Variants in FBXO11 observed in about 807,000 individuals in gnomAD.
FBXO11 encodes F-box protein 11.
FBXO11 carries 13 observed loss-of-function variants against 117.0 expected under a neutral mutation model. The ratio of observed to expected loss-of-function variants is 0.11; its 90% CI spans 0.07 to 0.18. The LOEUF is 0.18. Ranked by LOEUF, FBXO11 falls within the 10% of genes least tolerant of loss-of-function variation. The pLI is 1.00. For synonymous variants in FBXO11, 490 were observed against 380.5 expected, an observed-to-expected ratio of 1.29 and a Z score of -3.35; for missense variants, 767 against 1,164.4, an observed-to-expected ratio of 0.66 and a Z score of 4.97.
At chr2:47,891,206 G>A in intron 1 of FBXO11, among the ~76,000 whole-genome samples, 1 of 152,010 alleles carries the variant, frequency 6.6e-6, no homozygotes, top group East Asian at 1.9e-4. Context: ...TTGACTATAG[G>A]TACAATACTG....
rs529028599 is a variant in FBXO11, at chr2:47,808,681, A to C, written c.2556-254T>G. 5.4e-4 allele frequency: 208 copies of C among 384,016 alleles called. 1 individual carries two copies. Among genetic ancestry groups the C allele is most frequent in the Non-Finnish European group, 8.1e-4 (176 of 216,030 alleles). 23.8% of individuals were successfully genotyped at this position (384,016 alleles called of 1,614,324 possible). ...TTCTTTCCACTTTAAAAGCCTCTCA[A>C]ATGTTTCTGGGCTGAAAACAATTTT... On this transcript the variant is annotated intron_variant, in intron 21 of 22. Coordinates refer to ENST00000403359, the MANE Select transcript of FBXO11 (RefSeq NM_001190274.2).
chr2:47,887,857 A>C (rs78610304), intron 1 of FBXO11, among the ~76,000 whole-genome samples: 3 of 152,004 alleles, frequency 2.0e-5, no homozygotes, highest in Admixed American at 2.0e-4. Context: ...ATTCTGTCTC[A>C]AAAAAACCCA....
At chr2:47,904,482 C>T (rs1049950575) in intron 1 of FBXO11, among the ~76,000 whole-genome samples, 5 of 152,098 alleles carry the variant, frequency 3.3e-5, no homozygotes, top group African/African-American at 7.2e-5. Context: ...GAGCCTCAGC[C>T]CTTAGACAAT....
At chr2:47,846,029 T>C (rs1021977519) in intron 1 of FBXO11, among the ~76,000 whole-genome samples, 7 of 152,134 alleles carry the variant, frequency 4.6e-5, no homozygotes, top group Admixed American at 1.3e-4. Flanking sequence ...TTAGCATACA[T>C]GAAACAAAAA....
Position 47,872,246 on chromosome 2 carries a change from A to C in FBXO11, c.233-32477T>G, listed in dbSNP as rs530328889. On this transcript the variant is annotated intron_variant, in intron 1 of 22. Transcript: ENST00000403359. ...ATTTAGTGTAGAGCTGCAGTTCTTA[A>C]AAAGTGTAGTCTGGGAATTCCTGGC... Among the ~76,000 whole-genome samples, 3 of 151,738 alleles carry C rather than the reference A, an allele frequency of 2.0e-5. No individual in the cohort carries two copies. In the South Asian group the frequency reaches 6.3e-4, roughly 32 times the overall value.
intron 1 of FBXO11, among the ~76,000 whole-genome samples, chr2:47,898,906 A>G (rs1677881059): frequency 6.6e-6 from 1 of 152,138 alleles, no homozygotes; most frequent in Non-Finnish European, 1.5e-5. Flanking sequence ...CTTACTATGC[A>G]TCTTCATTGT....
At chr2:47,866,649 T>A (rs570915051) in intron 1 of FBXO11, among the ~76,000 whole-genome samples, 1 of 152,000 alleles carries the variant, frequency 6.6e-6, no homozygotes, top group Non-Finnish European at 1.5e-5. Context: ...AATGTTTATA[T>A]TTTTAGTAGA....
At chr2:47,809,920 A>G (rs1294708757) in intron 19 of FBXO11, 2 of 536,356 alleles carry the variant, frequency 3.7e-6, no homozygotes, top group East Asian at 3.1e-5. Context: ...TTTCGCACCA[A>G]CCTAACTGTC....
chr2:47,855,272 C>T (rs562167204), intron 1 of FBXO11, among the ~76,000 whole-genome samples: 1 of 151,792 alleles, frequency 6.6e-6, no homozygotes, highest in South Asian at 2.1e-4. Context: ...ATGATCACAG[C>T]TCACTGCAGC....
chr2:47,860,368 G>GT (rs1314148053), intron 1 of FBXO11, among the ~76,000 whole-genome samples: 3 of 151,178 alleles, frequency 2.0e-5, no homozygotes, highest in African/African-American at 7.3e-5. Flanking sequence ...AATTATGAAT[G>GT]TAAGTTTTCA....
chr2:47,846,668 A>G (rs886067048), intron 1 of FBXO11, among the ~76,000 whole-genome samples: 14 of 152,278 alleles, frequency 9.2e-5, no homozygotes, highest in African/African-American at 3.4e-4. Flanking sequence ...CGCAATCCAC[A>G]TATGTAATTT....
chr2:47,848,939 G>C (rs191609578), intron 1 of FBXO11, among the ~76,000 whole-genome samples: 1 of 152,282 alleles, frequency 6.6e-6, no homozygotes, highest in Non-Finnish European at 1.5e-5. Context: ...GTTAAGAGTA[G>C]TTTATGGAAT....
chr2:47,844,449 T>C (rs1673252006), intron 1 of FBXO11, among the ~76,000 whole-genome samples: 1 of 152,144 alleles, frequency 6.6e-6, no homozygotes, highest in Non-Finnish European at 1.5e-5. Flanking sequence ...CCTATCCCCA[T>C]ATGTGCAATA....
chr2:47,889,850 T>C (rs1310960209), intron 1 of FBXO11, among the ~76,000 whole-genome samples: 1 of 152,242 alleles, frequency 6.6e-6, no homozygotes, highest in Non-Finnish European at 1.5e-5. Context: ...TAAATTCCTC[T>C]TTTCTAATTA....
intron 1 of FBXO11, among the ~76,000 whole-genome samples, chr2:47,886,931 C>T (rs1176510109): frequency 5.3e-5 from 8 of 152,014 alleles, no homozygotes; most frequent in South Asian, 2.1e-4. Context: ...TCCAGCTAAT[C>T]GAGAGGCAGA....
intron 1 of FBXO11, among the ~76,000 whole-genome samples, chr2:47,860,569 C>T (rs977601869): frequency 9.2e-5 from 14 of 151,928 alleles, no homozygotes; most frequent in African/African-American, 3.4e-4. Context: ...TGCCACCACG[C>T]CCAGCTAATT....
chr2:47,846,335 C>A (rs542814886), intron 1 of FBXO11, among the ~76,000 whole-genome samples: 2 of 152,112 alleles, frequency 1.3e-5, no homozygotes, highest in Non-Finnish European at 2.9e-5. Context: ...GGTTTGGTGG[C>A]GCATGCCTGT....
At chr2:47,860,676 G>C (rs1674693377) in intron 1 of FBXO11, among the ~76,000 whole-genome samples, 2 of 151,962 alleles carry the variant, frequency 1.3e-5, no homozygotes, top group South Asian at 4.2e-4. Context: ...CAAAGTGCTA[G>C]AATTACATGC....
At chr2:47,848,253 AGGAGGTGAGTG>A (rs1673576089) in intron 1 of FBXO11, among the ~76,000 whole-genome samples, 1 of 152,210 alleles carries the variant, frequency 6.6e-6, no homozygotes, top group Admixed American at 6.5e-5. Flanking sequence ...TGGGCCACCC[AGGAGGTGAGTG>A]GTAGGCGACC....
Sources: gnomAD v4.1 joint callset for allele counts (sites outside exome capture counted in the v4.1 genomes callset) on GRCh38, gnomAD v4.1.1 for gene constraint, MANE v1.5 for transcripts, NCBI Gene and HGNC (gene_info 2026-07-23, HGNC 2026-07-21) for gene names.